The following DYNC1I1 variants were observed in gnomAD, a reference collection of about 807,000 sequenced individuals.
DYNC1I1 encodes cytoplasmic dynein 1 intermediate chain 1.
In DYNC1I1, 43 loss-of-function variants were observed where a neutral mutation model predicts 86.6. That is an observed-to-expected ratio of 0.50 (90% confidence interval 0.39 to 0.64). The LOEUF is 0.64. Ranked by LOEUF, DYNC1I1 falls within the 30% of genes least tolerant of loss-of-function variation. The pLI is 0.00. For missense variants in DYNC1I1, 604 were observed against 788.8 expected (o/e 0.77, Z 2.81); for synonymous variants, 262 against 283.7 (o/e 0.92, Z 0.77).
intron 2 of DYNC1I1, among the ~76,000 whole-genome samples, chr7:95,806,063 C>CT (rs1454208183): frequency 6.6e-6 from 1 of 152,090 alleles, no homozygotes; most frequent in Non-Finnish European, 1.5e-5. Flanking sequence ...CCTTTGAGAT[C>CT]TTTGCTGTTA....
At chr7:96,064,883 A>G (rs1463260443) in intron 14 of DYNC1I1, among the ~76,000 whole-genome samples, 1 of 152,136 alleles carries the variant, frequency 6.6e-6, no homozygotes. Flanking sequence ...TGGTCCAAAA[A>G]ATCAAGGATG....
intron 1 of DYNC1I1, among the ~76,000 whole-genome samples, chr7:95,791,779 T>A (rs2115721152): frequency 6.6e-6 from 1 of 152,310 alleles, no homozygotes; most frequent in Non-Finnish European, 1.5e-5. Context: ...AAAAATTATA[T>A]CAATAGATAT....
chr7:95,918,461 G>C (rs554195078), intron 6 of DYNC1I1, among the ~76,000 whole-genome samples: 1 of 152,098 alleles, frequency 6.6e-6, no homozygotes, highest in African/African-American at 2.4e-5. Flanking sequence ...CCTTCCTGGC[G>C]GTGGCAAAAC....
chr7:95,782,788 C>T (rs947922850), intron 1 of DYNC1I1, among the ~76,000 whole-genome samples: 1 of 152,066 alleles, frequency 6.6e-6, no homozygotes, highest in Non-Finnish European at 1.5e-5. Context: ...AGGTTGCTCT[C>T]AGTGGGATGA....
At chr7:95,857,604 A>G (rs940224385) in intron 5 of DYNC1I1, among the ~76,000 whole-genome samples, 1 of 152,156 alleles carries the variant, frequency 6.6e-6, no homozygotes, top group Non-Finnish European at 1.5e-5. Flanking sequence ...GTAGCCTGCA[A>G]TATTGCCCCC....
At chr7:95,795,651 C>G (rs1359072288) in intron 1 of DYNC1I1, among the ~76,000 whole-genome samples, 2 of 152,000 alleles carry the variant, frequency 1.3e-5, no homozygotes, top group African/African-American at 2.4e-5. Flanking sequence ...AAACCAAATA[C>G]CAGATGTTCT....
At chr7:95,960,622 A>C (rs147893284) in intron 6 of DYNC1I1, among the ~76,000 whole-genome samples, 4 of 152,352 alleles carry the variant, frequency 2.6e-5, no homozygotes, top group Non-Finnish European at 5.9e-5. Flanking sequence ...AGAGTGATAG[A>C]AACTTGAGGT....
intron 1 of DYNC1I1, among the ~76,000 whole-genome samples, chr7:95,785,775 G>GTGTATA (rs1317168531): frequency 8.8e-5 from 11 of 124,890 alleles, no homozygotes; most frequent in East Asian, 5.2e-4. Context: ...GTGTGTATGT[G>GTGTATA]TATATATATA....
At chr7:96,086,144 A>T (rs1461563109) in intron 16 of DYNC1I1, among the ~76,000 whole-genome samples, 1 of 152,136 alleles carries the variant, frequency 6.6e-6, no homozygotes, top group Non-Finnish European at 1.5e-5. Context: ...GTTTTATAGA[A>T]AGCCCACCGC....
intron 6 of DYNC1I1, among the ~76,000 whole-genome samples, chr7:95,879,080 G>T (rs546340167): frequency 1.3e-5 from 2 of 151,940 alleles, no homozygotes; most frequent in African/African-American, 2.4e-5. Context: ...CACCTTACAA[G>T]AAATATAAAA....
chr7:95,934,921 T>G (rs1791997652), intron 6 of DYNC1I1, among the ~76,000 whole-genome samples: 1 of 150,222 alleles, frequency 6.7e-6, no homozygotes. Flanking sequence ...TTGTTCTTCG[T>G]TTTTTTTTGT....
intron 6 of DYNC1I1, among the ~76,000 whole-genome samples, chr7:95,877,380 T>A (rs909072627): frequency 1.4e-4 from 22 of 152,126 alleles, no homozygotes; most frequent in East Asian, 5.8e-4. Context: ...GCAAGCTAAG[T>A]AGACCAGAAG....
intron 6 of DYNC1I1, among the ~76,000 whole-genome samples, chr7:95,884,831 A>G (rs1022134598): frequency 6.6e-6 from 1 of 152,092 alleles, no homozygotes; most frequent in Non-Finnish European, 1.5e-5. Context: ...ACAACAGCTT[A>G]TAGGCTACAT....
intron 6 of DYNC1I1, among the ~76,000 whole-genome samples, chr7:95,909,848 C>T (rs574256509): frequency 5.3e-4 from 81 of 152,262 alleles, no homozygotes; most frequent in Admixed American, 9.2e-4. Flanking sequence ...AGTCCAAACT[C>T]CTTGCTAGGT....
intron 4 of DYNC1I1, among the ~76,000 whole-genome samples, chr7:95,825,151 C>G (rs1055514029): frequency 2.6e-5 from 4 of 152,146 alleles, no homozygotes; most frequent in Admixed American, 6.5e-5. Context: ...TACATTCCTA[C>G]CTTGGTTTTT....
rs193114773 is a variant in DYNC1I1 at position 95,915,129 on chromosome 7, T to C, written c.490+45131T>C. Reference sequence around the variant, plus strand: ...CTTCATGTTACTTAGATAATTAAGTTCTTCCTAATTCAGAAAGCGTGACAT... The same window carrying C: ...CTTCATGTTACTTAGATAATTAAGTCCTTCCTAATTCAGAAAGCGTGACAT... On this transcript the variant is annotated intron_variant, in intron 6 of 16. Coordinates refer to ENST00000447467, the MANE Select transcript of DYNC1I1 (RefSeq NM_001135556.2). Among the ~76,000 whole-genome samples the C allele has an allele frequency of 2.2e-4, 34 of 152,354 alleles. 1 individual carries two copies. The highest frequency in any genetic ancestry group is 1.4e-3 in the Admixed American group (22 of 15,302).
At chr7:95,980,166 G>C (rs1208182388) in intron 7 of DYNC1I1, among the ~76,000 whole-genome samples, 2 of 152,148 alleles carry the variant, frequency 1.3e-5, no homozygotes, top group Non-Finnish European at 2.9e-5. Context: ...ATTGATTAAA[G>C]TCATGTTAAA....
chr7:96,057,538 G>T (rs776666437), intron 14 of DYNC1I1, among the ~76,000 whole-genome samples: 60 of 152,034 alleles, frequency 3.9e-4, no homozygotes, highest in Non-Finnish European at 7.2e-4. Context: ...TATCTACCAG[G>T]TTTTTTCTGG....
At chr7:95,874,658 AG>A (rs1790260307) in intron 6 of DYNC1I1, among the ~76,000 whole-genome samples, 1 of 151,942 alleles carries the variant, frequency 6.6e-6, no homozygotes, top group South Asian at 2.1e-4. Context: ...AGAGAGAGAG[AG>A]AGAGAGATCT....
Sources: gnomAD v4.1 joint callset for allele counts (sites outside exome capture counted in the v4.1 genomes callset) on GRCh38, gnomAD v4.1.1 for gene constraint, MANE v1.5 for transcripts, NCBI Gene and HGNC (gene_info 2026-07-23, HGNC 2026-07-21) for gene names.